Variants in GGACT observed in about 807,000 individuals in gnomAD.
GGACT encodes gamma-glutamylamine cyclotransferase.
For synonymous variants in GGACT, 118 were observed against 115.3 expected, an observed-to-expected ratio of 1.02 and a Z score of -0.15; for missense variants, 241 against 233.2, an observed-to-expected ratio of 1.03 and a Z score of -0.22.
At chr13:100,543,842 A>G (rs2088578527) in intron 2 of GGACT, among the ~76,000 whole-genome samples, 3 of 152,220 alleles carry the variant, frequency 2.0e-5, no homozygotes, top group Admixed American at 1.3e-4. Flanking sequence ...GCTTATCTCT[A>G]TCTTTACATT....
chr13:100,580,393 A>G (rs1875379650), intron 2 of GGACT, among the ~76,000 whole-genome samples: 1 of 152,238 alleles, frequency 6.6e-6, no homozygotes, highest in South Asian at 2.1e-4. Flanking sequence ...GTGAAGACAC[A>G]GCAGAGCCGG....
intron 2 of GGACT, among the ~76,000 whole-genome samples, chr13:100,549,125 T>TG (rs1327294676): frequency 1.3e-5 from 2 of 151,884 alleles, no homozygotes; most frequent in African/African-American, 4.8e-5. Context: ...AGGCGGGTGG[T>TG]TCACCTGAGG....
chr13:100,550,927 A>T (rs1431732954), intron 2 of GGACT, among the ~76,000 whole-genome samples: 3 of 152,172 alleles, frequency 2.0e-5, no homozygotes, highest in Non-Finnish European at 2.9e-5. Context: ...GAGGCATTTA[A>T]CTTTTTTGGG....
In GGACT at chr13:100,545,788, T is replaced by C. The variant is rs1024404953; in HGVS notation, c.-10-13187A>G. On this transcript the variant is annotated intron_variant, in intron 2 of 2. Coordinates refer to ENST00000683975, the MANE Select transcript of GGACT (RefSeq NM_001195087.2). The surrounding 1 kb of genome is among the most constrained non-coding windows in gnomAD (Gnocchi z 4.4). ...GCATTAGGGTGAAGCTTGGGTGAGC[T>C]GCTGCACTTCCCATTGCAAGCAGAA... Among the ~76,000 whole-genome samples the C allele has an allele frequency of 1.3e-5, 2 of 152,198 alleles. No individual in the cohort carries two copies. The highest frequency in any genetic ancestry group is 2.9e-5 in the Non-Finnish European group (2 of 68,042).
Position 100,532,516 on chromosome 13 carries a change from C to T in GGACT, c.76G>A (p.Gly26Ser), listed in dbSNP as rs1409731474. The T allele has an allele frequency of 1.3e-6, 2 of 1,548,386 alleles. No individual in the cohort carries two copies. Among genetic ancestry groups the T allele is most frequent in the Non-Finnish European group, 1.7e-6 (2 of 1,145,858 alleles). Residue 26 changes from glycine to serine, a missense_variant, in exon 3 of 3, where the codon GGC becomes AGC. Gly to Ser is a moderately conservative substitution (Grantham distance 56). Transcript: ENST00000683975. ...CCGCGCGCCCGAAAGGCTGCGGAGC[C>T]GTGGGCGCCGTCCCGCAGGACCCTG... is the stretch of plus-strand genomic sequence containing the variant. ...NHRVLRDGAH[G>S]SAAFRARGRT... is the part of the protein sequence containing the mutation.
At chr13:100,532,665 G>A in intron 2 of GGACT, 64 bp from the exon 3 acceptor site, 1 of 1,327,070 alleles carries the variant, frequency 7.5e-7, no homozygotes, top group Non-Finnish European at 1.0e-6. Context: ...CACCTGGGAC[G>A]TGGCTCCCGG....
In GGACT at chr13:100,545,186, G is replaced by A. The variant is rs865974359; in HGVS notation, c.-10-12585C>T. On this transcript the variant is annotated intron_variant, in intron 2 of 2. Coordinates refer to ENST00000683975, the MANE Select transcript of GGACT (RefSeq NM_001195087.2). This position sits in a 1 kb window ranked among gnomAD's most constrained non-coding sequence, Gnocchi z 4.4. ...TACCTGTGGCTCACGGGGGATCAAC[G>A]CCACCCCCAAGGGAGAGCCCTGACT... Among the ~76,000 whole-genome samples the A allele has an allele frequency of 7.2e-5, 11 of 152,200 alleles. No individual in the cohort carries two copies. Among genetic ancestry groups the A allele is most frequent in the Admixed American group, 6.5e-4 (10 of 15,282 alleles).
At chr13:100,562,188 A>C (rs2088768200) in intron 2 of GGACT, among the ~76,000 whole-genome samples, 1 of 152,170 alleles carries the variant, frequency 6.6e-6, no homozygotes, top group South Asian at 2.1e-4. Context: ...ATTCTTCTAT[A>C]AAACGGCAAG....
intron 1 of GGACT, chr13:100,586,918 A>G (rs978013342): frequency 2.6e-5 from 4 of 152,246 alleles, no homozygotes; most frequent in Non-Finnish European, 5.9e-5. Flanking sequence ...AGTTTTACTG[A>G]CAATAGAGCT....
At chr13:100,562,303 AC>A (rs1251597941) in intron 2 of GGACT, among the ~76,000 whole-genome samples, 1 of 152,098 alleles carries the variant, frequency 6.6e-6, no homozygotes. Flanking sequence ...TCATAAATAC[AC>A]CTTAGTTTTG....
intron 2 of GGACT, among the ~76,000 whole-genome samples, chr13:100,550,417 TACACAC>T (rs61669253): frequency 0.18 from 12,773 of 72,384 alleles, 2,792 homozygotes; most frequent in South Asian, 0.57. Context: ...GATTATACTC[TACACAC>T]ACACACACAC....
At chr13:100,551,408 G>A (rs1404910441) in intron 2 of GGACT, among the ~76,000 whole-genome samples, 3 of 152,184 alleles carry the variant, frequency 2.0e-5, no homozygotes, top group South Asian at 2.1e-4. Flanking sequence ...ACCAGCGCCC[G>A]TGGCAAGGTG....
chr13:100,549,236 G>A (rs370566732), intron 2 of GGACT, among the ~76,000 whole-genome samples: 72 of 152,356 alleles, frequency 4.7e-4, no homozygotes, highest in Middle Eastern at 3.4e-3. Context: ...TACACCAGGA[G>A]GCTGAGGCAG....
intron 2 of GGACT, among the ~76,000 whole-genome samples, chr13:100,561,550 C>A (rs1370461494): frequency 2.0e-5 from 3 of 152,112 alleles, no homozygotes; most frequent in Non-Finnish European, 4.4e-5. Flanking sequence ...TTACCTGGGG[C>A]TATTAACACC....
chr13:100,586,806 T>G (rs1009132808), intron 1 of GGACT: 1 of 152,258 alleles, frequency 6.6e-6, no homozygotes, highest in Admixed American at 6.5e-5. Flanking sequence ...AAGTCTTTTC[T>G]GTAAATCCAT....
intron 2 of GGACT, among the ~76,000 whole-genome samples, chr13:100,571,229 T>A (rs1325430074): frequency 1.3e-5 from 2 of 152,180 alleles, no homozygotes; most frequent in Non-Finnish European, 2.9e-5. Context: ...AGTAGGGAGA[T>A]TTATTTTGCA....
Position 100,532,348 on chromosome 13 carries a change from C to T in GGACT, c.244G>A (p.Glu82Lys), listed in dbSNP as rs767501771. 68 of 1,550,494 alleles carry T rather than the reference C, an allele frequency of 4.4e-5. No homozygotes were observed. Among genetic ancestry groups the T allele is most frequent in the Non-Finnish European group, 5.8e-5 (66 of 1,146,610 alleles). Reference protein sequence around the residue: ...ERMLRFLDDFESCPALYQRTV... With the variant: ...ERMLRFLDDFKSCPALYQRTV... Reference sequence around the variant, plus strand: ...CGCTGGTACAGGGCCGGGCAACTCTCGAAGTCATCCAGAAAGCGCAGCATC... The same window carrying T: ...CGCTGGTACAGGGCCGGGCAACTCTTGAAGTCATCCAGAAAGCGCAGCATC... The change falls in exon 3 of 3, where the codon GAG becomes AAG. Residue 82 changes from glutamate (E) to lysine (K), a missense_variant. Transcript: ENST00000683975.
chr13:100,570,023 T>C (rs952122468), intron 2 of GGACT, among the ~76,000 whole-genome samples: 4 of 152,202 alleles, frequency 2.6e-5, no homozygotes, highest in South Asian at 2.1e-4. Flanking sequence ...AACAAGTCTC[T>C]AGGAAGTTCC....
At chr13:100,579,376 C>T (rs896014731) in intron 2 of GGACT, among the ~76,000 whole-genome samples, 3 of 152,126 alleles carry the variant, frequency 2.0e-5, no homozygotes, top group African/African-American at 7.2e-5. Flanking sequence ...CTTTCTCCTG[C>T]GTGTGTCTTG....
Sources: gnomAD v4.1 joint callset for allele counts (sites outside exome capture counted in the v4.1 genomes callset) on GRCh38, gnomAD v4.1.1 for gene constraint, Gnocchi (gnomAD v3.1) non-coding constraint, MANE v1.5 for transcripts, NCBI Gene and HGNC (gene_info 2026-07-23, HGNC 2026-07-21) for gene names.